Variants in GALNT13 observed in about 807,000 individuals in gnomAD.
GALNT13 encodes the protein polypeptide N-acetylgalactosaminyltransferase 13.
GALNT13 carries 28 observed loss-of-function variants against 64.2 expected under a neutral mutation model. The ratio of observed to expected loss-of-function variants is 0.44; its 90% confidence interval spans 0.32 to 0.60. The LOEUF is 0.60. Ranked by LOEUF, GALNT13 falls within the 20% of genes least tolerant of loss-of-function variation. The probability of loss-of-function intolerance (pLI) is 0.05; values close to 1 mark genes in which losing one functional copy is unlikely to be tolerated. For synonymous variants in GALNT13, 214 were observed against 224.6 expected, an observed-to-expected ratio of 0.95 and a Z score of 0.42; for missense variants, 577 against 669.8, an observed-to-expected ratio of 0.86 and a Z score of 1.53.
chr2:154,142,392 A>T (rs1159823329), intron 4 of GALNT13, among the ~76,000 whole-genome samples: 1 of 151,896 alleles, frequency 6.6e-6, no homozygotes, highest in East Asian at 1.9e-4. Flanking sequence ...TCCACTAAAA[A>T]TACAAAATTA....
At chr2:154,076,629 AATT>A (rs2105402758) in intron 3 of GALNT13, among the ~76,000 whole-genome samples, 1 of 151,788 alleles carries the variant, frequency 6.6e-6, no homozygotes, top group East Asian at 1.9e-4. Context: ...CAACCCTAGA[AATT>A]ATTGTCCAAA....
At chr2:153,373,159 T>C in the GALNT13 span, among the ~76,000 whole-genome samples, 6 of 149,654 alleles carry the variant, frequency 4.0e-5, no homozygotes, top group East Asian at 5.9e-4. Flanking sequence ...TGTGTGTGTG[T>C]GCACGTGTGT....
intron 3 of GALNT13, among the ~76,000 whole-genome samples, chr2:154,023,352 C>A (rs36151009): frequency 6.6e-6 from 1 of 152,144 alleles, no homozygotes; most frequent in Non-Finnish European, 1.5e-5. Context: ...TCACTAAGGA[C>A]TTGCTTTATG....
chr2:153,820,973 G>C, the GALNT13 span, among the ~76,000 whole-genome samples: 10 of 151,854 alleles, frequency 6.6e-5, no homozygotes, highest in South Asian at 1.2e-3. Context: ...AGATCCATCT[G>C]ACACGTAATG....
the GALNT13 span, among the ~76,000 whole-genome samples, chr2:153,532,097 T>C: frequency 6.6e-6 from 1 of 152,006 alleles, no homozygotes; most frequent in Non-Finnish European, 1.5e-5. Flanking sequence ...GGGGGCTCTG[T>C]TGAAGCTCCA....
the GALNT13 span, among the ~76,000 whole-genome samples, chr2:153,606,211 A>G: frequency 3.9e-5 from 6 of 152,112 alleles, no homozygotes. Context: ...GTATGTATGT[A>G]TATATATTTG....
chr2:153,715,844 T>C, the GALNT13 span, among the ~76,000 whole-genome samples: 11 of 151,682 alleles, frequency 7.3e-5, no homozygotes, highest in Non-Finnish European at 1.3e-4. Flanking sequence ...TTTTTTTTTT[T>C]TTTTCTGACT....
chr2:153,130,608 A>T, the GALNT13 span, among the ~76,000 whole-genome samples: 1 of 151,956 alleles, frequency 6.6e-6, no homozygotes, highest in Admixed American at 6.6e-5. Flanking sequence ...GCCACCTGGC[A>T]CCCCAGCTAC....
chr2:153,871,252 T>G (rs1469950675), upstream of GALNT13, among the ~76,000 whole-genome samples: 1 of 152,206 alleles, frequency 6.6e-6, no homozygotes, highest in Admixed American at 6.5e-5. Context: ...TCTTTACCTC[T>G]TCATAAAAAT....
chr2:153,883,959 A>C (rs1228673130), intron 1 of GALNT13, among the ~76,000 whole-genome samples: 1 of 152,078 alleles, frequency 6.6e-6, no homozygotes, highest in African/African-American at 2.4e-5. Flanking sequence ...TGCAAATATT[A>C]TCAAGACTGA....
At chr2:153,917,041 C>T (rs1354026064) in intron 2 of GALNT13, among the ~76,000 whole-genome samples, 5 of 152,098 alleles carry the variant, frequency 3.3e-5, no homozygotes, top group Non-Finnish European at 5.9e-5. Flanking sequence ...ACCTCTGGGC[C>T]TCAGTTTATT....
chr2:154,113,787 T>A (rs931831327), intron 3 of GALNT13, among the ~76,000 whole-genome samples: 2 of 152,060 alleles, frequency 1.3e-5, no homozygotes, highest in Non-Finnish European at 1.5e-5. Context: ...AGCCAGAGAG[T>A]TGATATACCC....
At chr2:153,866,710 A>G in the GALNT13 span, among the ~76,000 whole-genome samples, 1 of 152,308 alleles carries the variant, frequency 6.6e-6, no homozygotes, top group South Asian at 2.1e-4. Context: ...AAACTTTAAA[A>G]CTTTTAATGA....
the GALNT13 span, among the ~76,000 whole-genome samples, chr2:153,707,313 A>G: frequency 6.6e-6 from 1 of 152,242 alleles, no homozygotes; most frequent in Non-Finnish European, 1.5e-5. Flanking sequence ...TAAAAATGCC[A>G]TATGCTTGAT....
At chr2:153,103,197 CT>C in the GALNT13 span, among the ~76,000 whole-genome samples, 1 of 152,206 alleles carries the variant, frequency 6.6e-6, no homozygotes, top group African/African-American at 2.4e-5. Flanking sequence ...GCCTGAAACA[CT>C]TGCCACTGTC....
chr2:153,323,705 A>G, the GALNT13 span, among the ~76,000 whole-genome samples: 944 of 152,310 alleles, frequency 6.2e-3, 8 homozygotes, highest in African/African-American at 0.022. Flanking sequence ...TTTTCTGCAT[A>G]TGGCTAGGCA....
At chr2:153,894,377 G>T (rs1301799572) in intron 1 of GALNT13, among the ~76,000 whole-genome samples, 1 of 152,006 alleles carries the variant, frequency 6.6e-6, no homozygotes, top group African/African-American at 2.4e-5. Flanking sequence ...ATGGAATTAC[G>T]CAGTGATATA....
the GALNT13 span, among the ~76,000 whole-genome samples, chr2:153,623,917 C>A: frequency 1.1e-3 from 168 of 152,106 alleles, 1 homozygote; most frequent in African/African-American, 3.8e-3. Flanking sequence ...AGCCAATATA[C>A]AAATTGGCTT....
At chr2:153,753,223 G>C in the GALNT13 span, among the ~76,000 whole-genome samples, 2 of 152,056 alleles carry the variant, frequency 1.3e-5, no homozygotes, top group Admixed American at 6.6e-5. Context: ...ACATAATTCT[G>C]TTTCTCCAGG....
Sources: gnomAD v4.1 joint callset for allele counts (sites outside exome capture counted in the v4.1 genomes callset) on GRCh38, gnomAD v4.1.1 for gene constraint, MANE v1.5 for transcripts, NCBI Gene and HGNC (gene_info 2026-07-23, HGNC 2026-07-21) for gene names.